PTPRR: variants seen among roughly 807,000 people sequenced by gnomAD.
PTPRR encodes receptor-type tyrosine-protein phosphatase R.
A neutral mutation model predicts 77.2 loss-of-function variants in PTPRR; 38 were observed. That is an observed-to-expected ratio of 0.49 (90% CI 0.38 to 0.65). PTPRR has a LOEUF of 0.65. PTPRR is among the 30% of genes least tolerant of loss of function. The probability of loss-of-function intolerance (pLI) is 0.00; values close to 1 mark genes in which losing one functional copy is unlikely to be tolerated. For missense variants in PTPRR, 744 were observed against 799.2 expected (o/e 0.93, Z 0.83); for synonymous variants, 299 against 283.1 (o/e 1.06, Z -0.57).
chr12:70,870,670 T>C (rs1237963632), intron 2 of PTPRR, among the ~76,000 whole-genome samples: 1 of 152,200 alleles, frequency 6.6e-6, no homozygotes, highest in Non-Finnish European at 1.5e-5. Context: ...AAGTTAACCA[T>C]CCTAAGTCAT....
chr12:70,909,357 T>C (rs1192306744), intron 1 of PTPRR, among the ~76,000 whole-genome samples: 3 of 152,328 alleles, frequency 2.0e-5, no homozygotes, highest in East Asian at 1.9e-4. Flanking sequence ...AATTGGAGTA[T>C]GCAAATTGTG....
At chr12:70,862,009 A>G (rs1296582342) in intron 2 of PTPRR, among the ~76,000 whole-genome samples, 1 of 152,136 alleles carries the variant, frequency 6.6e-6, no homozygotes, top group Non-Finnish European at 1.5e-5. Context: ...AGGTAAATAT[A>G]TCAGAATTGC....
chr12:70,653,879 T>C (rs1171911272), intron 13 of PTPRR, among the ~76,000 whole-genome samples: 2 of 152,174 alleles, frequency 1.3e-5, no homozygotes, highest in Admixed American at 6.5e-5. Context: ...ATCGCCATGA[T>C]GAACTGCTTC....
intron 2 of PTPRR, among the ~76,000 whole-genome samples, chr12:70,820,337 C>G (rs1194027992): frequency 6.6e-6 from 1 of 151,896 alleles, no homozygotes; most frequent in African/African-American, 2.4e-5. Context: ...TTTCTTTTTT[C>G]TTTTTTTGGT....
At chr12:70,725,063 G>T (rs1889387777) in intron 6 of PTPRR, among the ~76,000 whole-genome samples, 2 of 151,990 alleles carry the variant, frequency 1.3e-5, no homozygotes, top group African/African-American at 2.4e-5. Context: ...GAAAGAAAGG[G>T]TGTTGAGTGC....
At chr12:70,744,665 TTGTGA>T (rs1171010607) in intron 6 of PTPRR, among the ~76,000 whole-genome samples, 53 of 152,226 alleles carry the variant, frequency 3.5e-4, no homozygotes, top group Admixed American at 2.7e-3. Flanking sequence ...GCATAGGGCA[TTGTGA>T]TGTATCATGG....
At chr12:70,915,076 A>G (rs893684028) in intron 1 of PTPRR, among the ~76,000 whole-genome samples, 1 of 152,180 alleles carries the variant, frequency 6.6e-6, no homozygotes, top group Admixed American at 6.5e-5. Context: ...ACAGCAGAAG[A>G]CCTAAAAGTA....
chr12:70,668,583 C>T (rs1887099326), intron 10 of PTPRR, among the ~76,000 whole-genome samples: 1 of 152,114 alleles, frequency 6.6e-6, no homozygotes. Context: ...TAGAATTTAA[C>T]ATGGCACACT....
At chr12:70,712,314 G>A (rs78576672) in intron 6 of PTPRR, among the ~76,000 whole-genome samples, 2 of 151,854 alleles carry the variant, frequency 1.3e-5, no homozygotes, top group Non-Finnish European at 2.9e-5. Context: ...CATGTTATCG[G>A]TGATGCCTAG....
intron 6 of PTPRR, among the ~76,000 whole-genome samples, chr12:70,702,894 C>T (rs2136787845): frequency 6.6e-6 from 1 of 152,170 alleles, no homozygotes; most frequent in Middle Eastern, 3.4e-3. Context: ...AAATATTTCA[C>T]AGATGTTTTG....
intron 8 of PTPRR, among the ~76,000 whole-genome samples, chr12:70,693,213 C>T (rs1461247104): frequency 7.2e-5 from 11 of 152,184 alleles, no homozygotes; most frequent in Admixed American, 7.2e-4. Context: ...GAAACAGTTT[C>T]CCTGTAAAGC....
chr12:70,792,403 A>G (rs1006513498), intron 2 of PTPRR, among the ~76,000 whole-genome samples: 1 of 152,178 alleles, frequency 6.6e-6, no homozygotes, highest in Non-Finnish European at 1.5e-5. Flanking sequence ...GCTACTCTTC[A>G]GGTGACAAGT....
chr12:70,796,768 G>A lies in PTPRR; in HGVS notation c.358-31990C>T, dbSNP rs192140150. 5.8e-3 allele frequency among the ~76,000 whole-genome samples: 881 copies of A among 151,712 alleles called. 10 individuals are homozygous for A. The highest frequency in any genetic ancestry group is 0.025 in the Admixed American group (382 of 15,248). ...ACTAAGGCCGGGCATGGTGGCTCAC[G>A]CCTGTAATCCCAGCACTTTGGGAGG... is the stretch of plus-strand genomic sequence containing the variant. On this transcript the variant is annotated intron_variant, in intron 2 of 13. Transcript: ENST00000283228.
At chr12:70,737,059 C>T (rs1416792627) in intron 6 of PTPRR, among the ~76,000 whole-genome samples, 1 of 152,180 alleles carries the variant, frequency 6.6e-6, no homozygotes, top group Non-Finnish European at 1.5e-5. Context: ...GAGCAGCCCC[C>T]TCAGCTGATG....
At chr12:70,676,655 A>T (rs892496845) in intron 10 of PTPRR, among the ~76,000 whole-genome samples, 1 of 152,128 alleles carries the variant, frequency 6.6e-6, no homozygotes. Context: ...GATCAAATAA[A>T]GGCAATCAGT....
In PTPRR at chr12:70,797,186, C is replaced by T. The variant is rs923229519; in HGVS notation, c.358-32408G>A. Among the ~76,000 whole-genome samples, 31 of 152,228 alleles carry T rather than the reference C, an allele frequency of 2.0e-4. No homozygotes were observed. The East Asian group carries it at 4.6e-3, about 23-fold the overall frequency. On this transcript the variant is annotated intron_variant, in intron 2 of 13. Coordinates refer to ENST00000283228, the MANE Select transcript of PTPRR (RefSeq NM_002849.4). ...TTGAAATGAATGTTTACTTGATTCA[C>T]TCAACAAATATTTGAGTTTCTAATA...
intron 2 of PTPRR, among the ~76,000 whole-genome samples, chr12:70,785,182 T>G (rs1419169498): frequency 6.6e-6 from 1 of 152,168 alleles, no homozygotes; most frequent in African/African-American, 2.4e-5. Flanking sequence ...TTTAAGGACA[T>G]CTAATTAAAT....
intron 2 of PTPRR, among the ~76,000 whole-genome samples, chr12:70,829,120 C>G (rs927808270): frequency 4.6e-5 from 7 of 152,014 alleles, no homozygotes; most frequent in Admixed American, 1.3e-4. Context: ...AGGTAAGCTC[C>G]ATGTGGGCAG....
rs200722098 is a variant in PTPRR, at chr12:70,892,825, C to T, written c.211G>A (p.Glu71Lys). The T allele has an allele frequency of 2.9e-4, 474 of 1,613,410 alleles. 5 individuals carry two copies. The highest frequency in any genetic ancestry group is 2.1e-3 in the South Asian group (193 of 91,068). ...TGGTGGCGTTTGCTTACTTGAGCTT[C>T]GGAAGAGGAATGGTAGCTATGTCTG... is the stretch of plus-strand genomic sequence containing the variant. ...IYRHSYHSSSEAQVSKRHQIV... is the reference protein window; with the variant it reads ...IYRHSYHSSSKAQVSKRHQIV... Residue 71 changes from glutamate to lysine, a missense_variant, in exon 2 of 14, where the codon GAA becomes AAA. Coordinates refer to ENST00000283228, the MANE Select transcript of PTPRR (RefSeq NM_002849.4).
Sources: allele counts gnomAD v4.1 joint callset (sites outside exome capture counted in the v4.1 genomes callset), GRCh38; gene constraint gnomAD v4.1.1; transcripts MANE v1.5; gene names NCBI Gene and HGNC (gene_info 2026-07-23, HGNC 2026-07-21).